Variants in ASIC2 observed in about 807,000 individuals in gnomAD.
ASIC2 encodes the protein acid-sensing ion channel 2.
Under a neutral mutation model 57.3 loss-of-function variants are expected in ASIC2, and 25 were observed. The observed-to-expected ratio is 0.44, with a 90% CI of 0.32 to 0.61. ASIC2 has a LOEUF of 0.61. ASIC2 is among the 20% of genes least tolerant of loss of function. The pLI, the probability that ASIC2 is intolerant of heterozygous loss-of-function variation, is 0.06. For missense variants in ASIC2, 641 were observed against 738.1 expected (o/e 0.87, Z 1.52); for synonymous variants, 319 against 307.5 (o/e 1.04, Z -0.39).
At chr17:33,501,989 C>T (rs1397176189) in intron 1 of ASIC2, among the ~76,000 whole-genome samples, 3 of 152,130 alleles carry the variant, frequency 2.0e-5, no homozygotes, top group Admixed American at 2.0e-4. Context: ...TTTCCTTGAT[C>T]AATGGCTTTG....
intron 1 of ASIC2, among the ~76,000 whole-genome samples, chr17:33,482,235 G>T (rs1480326787): frequency 6.6e-6 from 1 of 152,364 alleles, no homozygotes; most frequent in South Asian, 2.1e-4. Flanking sequence ...CTGGGCCTCT[G>T]AAGACTCATC....
intron 1 of ASIC2, among the ~76,000 whole-genome samples, chr17:33,318,797 G>A (rs932514582): frequency 3.5e-4 from 54 of 152,132 alleles, no homozygotes; most frequent in African/African-American, 1.3e-3. Context: ...CATTGAGCAG[G>A]AAAGAGGACA....
chr17:33,555,850 A>G (rs1291756420), intron 1 of ASIC2, among the ~76,000 whole-genome samples: 1 of 152,004 alleles, frequency 6.6e-6, no homozygotes, highest in African/African-American at 2.4e-5. Flanking sequence ...GGATACAGGG[A>G]CTCTAGCTGA....
At chr17:33,017,560 G>T in intron 8 of ASIC2, 45 bp downstream of exon 8, 1 of 1,534,168 alleles carries the variant, frequency 6.5e-7, no homozygotes, top group Non-Finnish European at 9.0e-7. Flanking sequence ...CACGATGAGG[G>T]CACCAGCATG....
At chr17:33,662,207 T>C (rs779716310) in intron 1 of ASIC2, among the ~76,000 whole-genome samples, 11 of 152,166 alleles carry the variant, frequency 7.2e-5, no homozygotes, top group Admixed American at 1.3e-4. Context: ...AGCAGTTAGG[T>C]AGCCGAAGCT....
chr17:33,728,935 C>T (rs1176237865), intron 1 of ASIC2, among the ~76,000 whole-genome samples: 3 of 152,040 alleles, frequency 2.0e-5, no homozygotes, highest in Non-Finnish European at 1.5e-5. Flanking sequence ...ACATCTGCAC[C>T]CTGGCACTCC....
chr17:34,059,879 C>T (rs1269011844), intron 1 of ASIC2, among the ~76,000 whole-genome samples: 4 of 152,186 alleles, frequency 2.6e-5, no homozygotes, highest in East Asian at 1.9e-4. Context: ...GGCCTAGCCA[C>T]GCCCCCACCT....
At chr17:33,204,715 G>A (rs966723723) in intron 1 of ASIC2, among the ~76,000 whole-genome samples, 1 of 152,226 alleles carries the variant, frequency 6.6e-6, no homozygotes, top group Non-Finnish European at 1.5e-5. Flanking sequence ...TAGCACATGT[G>A]TGTGTGCATG....
At chr17:33,678,435 C>CACACACACACACACA (rs1907894434) in intron 1 of ASIC2, among the ~76,000 whole-genome samples, 70 of 139,596 alleles carry the variant, frequency 5.0e-4, no homozygotes, top group African/African-American at 1.3e-3. Context: ...CTGGTTCAAT[C>CACACACACACACACA]CACACACACA....
intron 1 of ASIC2, among the ~76,000 whole-genome samples, chr17:33,750,155 G>C (rs775613043): frequency 4.0e-4 from 61 of 152,282 alleles, no homozygotes; most frequent in Non-Finnish European, 6.6e-4. Flanking sequence ...GGGTCCCTGA[G>C]GGAGAAACTG....
At chr17:33,878,285 A>C (rs964164910) in intron 1 of ASIC2, among the ~76,000 whole-genome samples, 1 of 152,256 alleles carries the variant, frequency 6.6e-6, no homozygotes, top group Non-Finnish European at 1.5e-5. Context: ...TGAGAGAAGA[A>C]GGCTTCAGAT....
At chr17:33,277,640 GATTA>G (rs1383171966) in intron 1 of ASIC2, among the ~76,000 whole-genome samples, 2 of 152,190 alleles carry the variant, frequency 1.3e-5, no homozygotes, top group Non-Finnish European at 2.9e-5. Context: ...CCCTGGTGAA[GATTA>G]ATCAGCAGAG....
chr17:33,921,326 G>A (rs1915704505), intron 1 of ASIC2, among the ~76,000 whole-genome samples: 1 of 152,158 alleles, frequency 6.6e-6, no homozygotes, highest in Non-Finnish European at 1.5e-5. Flanking sequence ...AATGCAAGCA[G>A]AGGTCCTACC....
chr17:33,481,787 C>A (rs1391052274), intron 1 of ASIC2, among the ~76,000 whole-genome samples: 1 of 152,190 alleles, frequency 6.6e-6, no homozygotes, highest in Non-Finnish European at 1.5e-5. Flanking sequence ...CTTATCTCCC[C>A]TATCCACATG....
chr17:33,081,874 G>A (rs991373173), intron 3 of ASIC2, among the ~76,000 whole-genome samples: 1 of 152,172 alleles, frequency 6.6e-6, no homozygotes. Context: ...TTCTGTAGGA[G>A]CCAACTGGTC....
intron 1 of ASIC2, among the ~76,000 whole-genome samples, chr17:33,662,130 T>C (rs1907287780): frequency 6.6e-6 from 1 of 152,184 alleles, no homozygotes; most frequent in Non-Finnish European, 1.5e-5. Flanking sequence ...AAAATCATTA[T>C]TACTCTCATC....
At chr17:33,815,803 C>T (rs1196538110) in intron 1 of ASIC2, among the ~76,000 whole-genome samples, 1 of 152,158 alleles carries the variant, frequency 6.6e-6, no homozygotes, top group East Asian at 1.9e-4. Context: ...TGCATCTACT[C>T]CAATCCTCTC....
At chr17:33,950,159 T>C (rs1904512529) in intron 1 of ASIC2, among the ~76,000 whole-genome samples, 1 of 152,218 alleles carries the variant, frequency 6.6e-6, no homozygotes, top group African/African-American at 2.4e-5. Context: ...GGTCATTGTC[T>C]CTAATCAGGC....
chr17:33,017,703 G>A lies in ASIC2; in HGVS notation c.1442-19C>T. 1 of 1,607,676 alleles carries A rather than the reference G, an allele frequency of 6.2e-7. No individual in the cohort carries two copies. The highest frequency in any genetic ancestry group is 8.5e-7 in the Non-Finnish European group (1 of 1,174,604). On this transcript the variant is annotated intron_variant, in intron 7 of 9. Coordinates refer to ENST00000225823, the MANE Select transcript of ASIC2 (RefSeq NM_183377.2). ...ATATCACCTGGAGAGAGAGGGAAAA[G>A]ACCAAAGCTTTGCTTTTATGCAGCT...
Sources: gnomAD v4.1 joint callset for allele counts (sites outside exome capture counted in the v4.1 genomes callset) on GRCh38, gnomAD v4.1.1 for gene constraint, MANE v1.5 for transcripts, NCBI Gene and HGNC (gene_info 2026-07-23, HGNC 2026-07-21) for gene names.